Variants in PTPRC observed in about 807,000 individuals in gnomAD.
PTPRC encodes the protein receptor-type tyrosine-protein phosphatase C.
Under a neutral mutation model 155.9 loss-of-function variants are expected in PTPRC, and 44 were observed. The ratio of observed to expected loss-of-function variants is 0.28; its 90% CI spans 0.22 to 0.36. The LOEUF (loss-of-function observed/expected upper bound fraction) is 0.36. Among genes scored for constraint, PTPRC ranks in the 10% least tolerant of loss-of-function variants. The probability of loss-of-function intolerance (pLI) is 1.00; values close to 1 mark genes in which losing one functional copy is unlikely to be tolerated. For missense variants in PTPRC, 1,401 were observed against 1,564.6 expected, an observed-to-expected ratio of 0.90 and a Z score of 1.76; for synonymous variants, 525 against 533.1, an observed-to-expected ratio of 0.98 and a Z score of 0.21.
In PTPRC at chr1:198,670,152, C is replaced by A. The variant is rs542205582; in HGVS notation, c.74-22195C>A. ...AAATAGATCATGAGTGAAACATAGACCTGGTATAGCTTGACTGGGGCCTAC... is the reference window on the plus strand; with the variant it reads ...AAATAGATCATGAGTGAAACATAGAACTGGTATAGCTTGACTGGGGCCTAC... On this transcript the variant is annotated intron_variant, in intron 2 of 32. Transcript: ENST00000442510. 5.3e-5 allele frequency among the ~76,000 whole-genome samples: 8 copies of A among 152,082 alleles called. No homozygotes were observed. The South Asian group carries it at 1.7e-3, about 32-fold the overall frequency.
Position 198,716,663 on chromosome 1 carries a change from T to G in PTPRC, c.1292-19T>G, listed in dbSNP as rs1159715488. Reference sequence around the variant, plus strand: ...TGACTTTTAACGACTTACTAATTTTTTTTCACATTTTTCCTCAGAAAAAGA... The same window carrying G: ...TGACTTTTAACGACTTACTAATTTTGTTTCACATTTTTCCTCAGAAAAAGA... On this transcript the variant is annotated intron_variant, in intron 12 of 32. Transcript: ENST00000442510. 7 of 1,608,786 alleles carry G rather than the reference T, an allele frequency of 4.4e-6. No homozygotes were observed. The highest frequency in any genetic ancestry group is 5.9e-6 in the Non-Finnish European group (7 of 1,177,326).
At chr1:198,660,917 G>C (rs566120332) in intron 2 of PTPRC, among the ~76,000 whole-genome samples, 13 of 152,132 alleles carry the variant, frequency 8.5e-5, no homozygotes, top group Middle Eastern at 3.2e-3. Flanking sequence ...TATGAGAACA[G>C]TATTTTCAGT....
At chr1:198,730,714 C>A (rs1654348052) in intron 17 of PTPRC, among the ~76,000 whole-genome samples, 1 of 152,100 alleles carries the variant, frequency 6.6e-6, no homozygotes, top group Non-Finnish European at 1.5e-5. Context: ...CCCCATGAAA[C>A]CCTGAATGTG....
intron 2 of PTPRC, among the ~76,000 whole-genome samples, chr1:198,639,868 A>G (rs983626087): frequency 3.3e-5 from 5 of 152,056 alleles, no homozygotes; most frequent in Non-Finnish European, 5.9e-5. Flanking sequence ...TCAAAAATAT[A>G]TTGAGATATT....
At chr1:198,654,828 AAATTTAAACACATC>A (rs1173542193) in intron 2 of PTPRC, among the ~76,000 whole-genome samples, 1 of 151,942 alleles carries the variant, frequency 6.6e-6, no homozygotes, top group Non-Finnish European at 1.5e-5. Context: ...ATTAAAGTGA[AAATTTAAACACATC>A]AATTTTTCAT....
At chr1:198,688,133 A>G (rs970429327) in intron 2 of PTPRC, among the ~76,000 whole-genome samples, 2 of 151,988 alleles carry the variant, frequency 1.3e-5, no homozygotes, top group Non-Finnish European at 2.9e-5. Context: ...TTGAAATAGT[A>G]TATAAAAATG....
chr1:198,664,473 G>T (rs1346214614), intron 2 of PTPRC, among the ~76,000 whole-genome samples: 1 of 152,120 alleles, frequency 6.6e-6, no homozygotes, highest in Non-Finnish European at 1.5e-5. Context: ...TTGTGCCCCA[G>T]TGCAGACACT....
intron 29 of PTPRC, among the ~76,000 whole-genome samples, chr1:198,751,950 A>G (rs1433680735): frequency 1.3e-5 from 2 of 152,006 alleles, no homozygotes; most frequent in Non-Finnish European, 2.9e-5. Flanking sequence ...TGTGGAAAAG[A>G]GGAGCAAACC....
At chr1:198,711,468 C>A (rs910684992) in intron 11 of PTPRC, among the ~76,000 whole-genome samples, 4 of 152,058 alleles carry the variant, frequency 2.6e-5, no homozygotes, top group Non-Finnish European at 4.4e-5. Context: ...CACCTCTCAA[C>A]AAACACAAAA....
At chr1:198,701,047 G>C (rs1040535659) in intron 5 of PTPRC, among the ~76,000 whole-genome samples, 2 of 152,074 alleles carry the variant, frequency 1.3e-5, no homozygotes, top group African/African-American at 4.8e-5. Flanking sequence ...ATGTCTGAAT[G>C]AGTTTTTTAA....
intron 8 of PTPRC, among the ~76,000 whole-genome samples, chr1:198,705,333 C>T (rs1458337928): frequency 6.6e-6 from 1 of 151,944 alleles, no homozygotes; most frequent in Non-Finnish European, 1.5e-5. Flanking sequence ...TCTCCTCCCG[C>T]CTCTTGAATC....
intron 30 of PTPRC, 85 bp downstream of exon 30, chr1:198,752,456 G>A: frequency 1.3e-6 from 2 of 1,555,320 alleles, no homozygotes; most frequent in Non-Finnish European, 1.8e-6. Flanking sequence ...TGCAGGCAAG[G>A]CCATCATATA....
chr1:198,678,342 CT>C (rs781119490), intron 2 of PTPRC, among the ~76,000 whole-genome samples: 49 of 152,146 alleles, frequency 3.2e-4, no homozygotes, highest in Non-Finnish European at 6.5e-4. Context: ...ATGTTGTTCA[CT>C]CAACGTTTCT....
At chr1:198,644,179 T>C (rs1246433323) in intron 2 of PTPRC, among the ~76,000 whole-genome samples, 3 of 151,880 alleles carry the variant, frequency 2.0e-5, no homozygotes, top group African/African-American at 7.2e-5. Context: ...TGGGAAACAA[T>C]TAGAATGGAA....
chr1:198,669,475 T>A (rs115039174), intron 2 of PTPRC, among the ~76,000 whole-genome samples: 2,928 of 152,264 alleles, frequency 0.019, 98 homozygotes, highest in African/African-American at 0.067. Flanking sequence ...TTGAAAAAAA[T>A]GTATTATTAG....
Position 198,649,416 on chromosome 1 carries a change from G to A in PTPRC, c.73+10075G>A, listed in dbSNP as rs142082379. 3.2e-3 allele frequency among the ~76,000 whole-genome samples: 485 copies of A among 151,918 alleles called. 4 individuals carry two copies. Among genetic ancestry groups the A allele is most frequent in the African/African-American group, 0.011 (443 of 41,472 alleles). ...TAAGACATCAGTTGAGAGTTTTGACGGAAAGGAAGTGGTGATATGAAGGAA... is the reference window on the plus strand; with the variant it reads ...TAAGACATCAGTTGAGAGTTTTGACAGAAAGGAAGTGGTGATATGAAGGAA... On this transcript the variant is annotated intron_variant, in intron 2 of 32. Transcript: ENST00000442510.
At chr1:198,656,719 C>T (rs747934774) in intron 2 of PTPRC, among the ~76,000 whole-genome samples, 2 of 148,134 alleles carry the variant, frequency 1.4e-5, no homozygotes, top group East Asian at 2.0e-4. Context: ...TGTAGTTTTA[C>T]GAGAAATGCA....
chr1:198,668,629 A>T (rs1664459852), intron 2 of PTPRC, among the ~76,000 whole-genome samples: 2 of 152,218 alleles, frequency 1.3e-5, no homozygotes, highest in Admixed American at 1.3e-4. Flanking sequence ...AAGTAAATAT[A>T]AAATGGTGCT....
At chr1:198,641,025 T>G (rs1242249483) in intron 2 of PTPRC, among the ~76,000 whole-genome samples, 3 of 152,012 alleles carry the variant, frequency 2.0e-5, no homozygotes, top group Non-Finnish European at 4.4e-5. Context: ...AACCTTTATA[T>G]CAACTTTGCT....
Sources: allele counts gnomAD v4.1 joint callset (sites outside exome capture counted in the v4.1 genomes callset), GRCh38; gene constraint gnomAD v4.1.1; transcripts MANE v1.5; gene names NCBI Gene and HGNC (gene_info 2026-07-23, HGNC 2026-07-21).